Variants in ROBO2 observed in about 807,000 individuals in gnomAD.
The protein encoded by ROBO2 is roundabout homolog 2.
ROBO2 carries 53 observed loss-of-function variants against 160.8 expected under a neutral mutation model. The observed-to-expected ratio is 0.33, with a 90% CI of 0.26 to 0.41. ROBO2 has a LOEUF of 0.41. Ranked by LOEUF, ROBO2 falls within the 10% of genes least tolerant of loss-of-function variation. The probability of loss-of-function intolerance (pLI) is 1.00; values close to 1 mark genes in which losing one functional copy is unlikely to be tolerated. For missense variants in ROBO2, 1,577 were observed against 1,722.4 expected, an observed-to-expected ratio of 0.92 and a Z score of 1.49; for synonymous variants, 664 against 611.7, an observed-to-expected ratio of 1.09 and a Z score of -1.26.
intron 2 of ROBO2, among the ~76,000 whole-genome samples, chr3:77,411,023 C>T (rs1216881770): frequency 4.6e-5 from 7 of 152,026 alleles, no homozygotes; most frequent in Non-Finnish European, 1.0e-4. Flanking sequence ...CAGCTGTTCT[C>T]AAATTCCTGG....
intron 2 of ROBO2, among the ~76,000 whole-genome samples, chr3:76,145,374 T>C (rs2106794852): frequency 1.3e-5 from 2 of 152,170 alleles, no homozygotes; most frequent in Admixed American, 1.3e-4. Context: ...TGTCATCAGG[T>C]ACAAATATGG....
At chr3:77,558,729 C>T (rs941618376) in intron 9 of ROBO2, among the ~76,000 whole-genome samples, 2 of 152,004 alleles carry the variant, frequency 1.3e-5, no homozygotes, top group Non-Finnish European at 2.9e-5. Flanking sequence ...TTCCTGGCAA[C>T]TTAACAAGTC....
At chr3:76,930,835 C>G (rs964741249) in intron 2 of ROBO2, among the ~76,000 whole-genome samples, 1 of 152,164 alleles carries the variant, frequency 6.6e-6, no homozygotes, top group African/African-American at 2.4e-5. Context: ...TTCCCAGCCA[C>G]GTTGGTAAGA....
chr3:77,248,383 A>G (rs1189048325), intron 2 of ROBO2, among the ~76,000 whole-genome samples: 1 of 151,142 alleles, frequency 6.6e-6, no homozygotes, highest in African/African-American at 2.4e-5. Context: ...ACACTGAAAA[A>G]CTGTCACACT....
intron 2 of ROBO2, among the ~76,000 whole-genome samples, chr3:77,323,753 A>G (rs1253040686): frequency 1.3e-5 from 2 of 152,130 alleles, no homozygotes; most frequent in African/African-American, 4.8e-5. Flanking sequence ...CAAACACACC[A>G]TACACACACA....
At chr3:76,685,498 T>C (rs1293106914) in intron 2 of ROBO2, among the ~76,000 whole-genome samples, 1 of 151,918 alleles carries the variant, frequency 6.6e-6, no homozygotes, top group Non-Finnish European at 1.5e-5. Flanking sequence ...TAGTGATTCA[T>C]ATTTCTAGTT....
At chr3:77,448,942 G>A (rs2080855117) in intron 2 of ROBO2, among the ~76,000 whole-genome samples, 1 of 152,064 alleles carries the variant, frequency 6.6e-6, no homozygotes, top group South Asian at 2.1e-4. Context: ...TGGTGTGATT[G>A]TGTTGGTTTA....
intron 1 of ROBO2, among the ~76,000 whole-genome samples, chr3:77,057,758 A>ACG (rs1465502707): frequency 1.3e-5 from 2 of 151,674 alleles, no homozygotes; most frequent in African/African-American, 4.8e-5. Flanking sequence ...TTTAGTAGAG[A>ACG]CGGGGTTTTA....
chr3:75,948,256 AT>A (rs1189720506), intron 2 of ROBO2, among the ~76,000 whole-genome samples: 4 of 151,982 alleles, frequency 2.6e-5, no homozygotes, highest in Non-Finnish European at 2.9e-5. Context: ...TTTTTGTTTT[AT>A]TTTAATTGAG....
chr3:77,167,402 A>T (rs2079195544), intron 2 of ROBO2, among the ~76,000 whole-genome samples: 1 of 152,180 alleles, frequency 6.6e-6, no homozygotes. Context: ...TAGACTTCCA[A>T]GTTGTTAAAA....
At chr3:77,509,375 T>C (rs1277465911) in intron 5 of ROBO2, among the ~76,000 whole-genome samples, 2 of 152,096 alleles carry the variant, frequency 1.3e-5, no homozygotes, top group African/African-American at 2.4e-5. Context: ...AGGGTATGGT[T>C]TCCTTCATAA....
intron 2 of ROBO2, among the ~76,000 whole-genome samples, chr3:76,365,248 T>A (rs1289331095): frequency 6.6e-6 from 1 of 152,084 alleles, no homozygotes; most frequent in Non-Finnish European, 1.5e-5. Context: ...AGAGGATACC[T>A]TATTCTTTAT....
chr3:76,132,022 C>T (rs1378820322), intron 2 of ROBO2, among the ~76,000 whole-genome samples: 3 of 152,052 alleles, frequency 2.0e-5, no homozygotes, highest in Non-Finnish European at 4.4e-5. Context: ...ACTCCTATAG[C>T]CTTCTGTGTG....
chr3:77,262,661 C>A (rs1182069872), intron 2 of ROBO2, among the ~76,000 whole-genome samples: 1 of 151,838 alleles, frequency 6.6e-6, no homozygotes, highest in South Asian at 2.1e-4. Context: ...AAAATATATG[C>A]CAAAAAAAGC....
At chr3:76,461,577 T>G (rs888087228) in intron 2 of ROBO2, among the ~76,000 whole-genome samples, 12 of 152,212 alleles carry the variant, frequency 7.9e-5, no homozygotes, top group African/African-American at 2.7e-4. Flanking sequence ...TCTTTATGAC[T>G]TTGGGATAAA....
intron 2 of ROBO2, among the ~76,000 whole-genome samples, chr3:76,036,996 A>T (rs1430896191): frequency 6.6e-6 from 1 of 151,996 alleles, no homozygotes; most frequent in Non-Finnish European, 1.5e-5. Flanking sequence ...AAAAGCAATT[A>T]TCTTGCCATC....
At chr3:76,342,019 C>G (rs570855732) in intron 2 of ROBO2, among the ~76,000 whole-genome samples, 1 of 152,060 alleles carries the variant, frequency 6.6e-6, no homozygotes, top group Non-Finnish European at 1.5e-5. Context: ...TGAAAATATT[C>G]CACAATGTTA....
At chr3:77,375,647 G>C (rs1047043087) in intron 2 of ROBO2, among the ~76,000 whole-genome samples, 3 of 152,114 alleles carry the variant, frequency 2.0e-5, no homozygotes, top group Non-Finnish European at 4.4e-5. Context: ...AGATAATGAA[G>C]AGTCATCTGG....
intron 2 of ROBO2, among the ~76,000 whole-genome samples, chr3:77,276,074 TAG>T (rs1373080325): frequency 6.6e-6 from 1 of 152,186 alleles, no homozygotes; most frequent in Non-Finnish European, 1.5e-5. Context: ...TCAAAATCTG[TAG>T]AGAGGCTGCA....
Sources: allele counts gnomAD v4.1 joint callset (sites outside exome capture counted in the v4.1 genomes callset), GRCh38; gene constraint gnomAD v4.1.1; transcripts MANE v1.5; gene names NCBI Gene and HGNC (gene_info 2026-07-23, HGNC 2026-07-21).